The following SEMA3A variants were observed in gnomAD, a reference collection of about 807,000 sequenced individuals.
The protein encoded by SEMA3A is semaphorin-3A.
A neutral mutation model predicts 97.9 loss-of-function variants in SEMA3A; 29 were observed. The observed-to-expected ratio is 0.30, with a 90% CI of 0.22 to 0.40. SEMA3A has a LOEUF of 0.40. Among genes scored for constraint, SEMA3A ranks in the 10% least tolerant of loss-of-function variants. The pLI is 1.00. For synonymous variants in SEMA3A, 321 were observed against 323.7 expected (o/e 0.99, Z 0.09); for missense variants, 763 against 951.3 (o/e 0.80, Z 2.60).
chr7:84,194,794 AAG>A (rs1798166465), upstream of SEMA3A: 33 of 361,326 alleles, frequency 9.1e-5, no homozygotes, highest in East Asian at 3.2e-4. Flanking sequence ...ACCCTCCAAA[AAG>A]AAAAAAAAAA....
intron 1 of SEMA3A, among the ~76,000 whole-genome samples, chr7:84,411,225 A>G (rs1474999925): frequency 6.6e-6 from 1 of 152,114 alleles, no homozygotes; most frequent in Non-Finnish European, 1.5e-5. Flanking sequence ...GTAGCGGTCC[A>G]CTTGGGATTT....
intron 3 of SEMA3A, among the ~76,000 whole-genome samples, chr7:84,237,188 T>C (rs1799255622): frequency 6.6e-6 from 1 of 152,160 alleles, no homozygotes; most frequent in African/African-American, 2.4e-5. Flanking sequence ...AAAATGTGTT[T>C]AATTTATCCC....
intron 2 of SEMA3A, among the ~76,000 whole-genome samples, chr7:84,345,359 G>T (rs915458551): frequency 1.1e-4 from 17 of 152,268 alleles, no homozygotes; most frequent in African/African-American, 4.1e-4. Context: ...GTTGCTAAAG[G>T]TTGAGATGGC....
intron 1 of SEMA3A, among the ~76,000 whole-genome samples, chr7:84,171,975 A>T (rs1475480407): frequency 3.3e-5 from 5 of 152,230 alleles, no homozygotes; most frequent in Non-Finnish European, 7.3e-5. Context: ...TGGTAGCAGA[A>T]GAAAGCTTCC....
chr7:84,212,574 T>G (rs576537578), intron 3 of SEMA3A, among the ~76,000 whole-genome samples: 1 of 152,302 alleles, frequency 6.6e-6, no homozygotes, highest in South Asian at 2.1e-4. Context: ...AGTCAACATC[T>G]CAAATAATGA....
intron 1 of SEMA3A, among the ~76,000 whole-genome samples, chr7:84,442,539 A>AAAATGT: frequency 6.6e-6 from 1 of 152,234 alleles, no homozygotes; most frequent in Middle Eastern, 3.4e-3. Flanking sequence ...AACACCAAAG[A>AAAATGT]AAATGTAGGA....
chr7:84,075,079 A>G (rs1323284067), intron 4 of SEMA3A, among the ~76,000 whole-genome samples: 1 of 152,120 alleles, frequency 6.6e-6, no homozygotes, highest in Non-Finnish European at 1.5e-5. Flanking sequence ...AGAAGGAAAG[A>G]TAATATTTAT....
Position 84,374,849 on chromosome 7 carries a change from G to A in SEMA3A, c.-245-2949C>T, listed in dbSNP as rs1394214690. Among the ~76,000 whole-genome samples, 3 of 152,058 alleles carry A rather than the reference G, an allele frequency of 2.0e-5. No homozygotes were observed. In the East Asian group the frequency reaches 5.8e-4, roughly 29 times the overall value. The stretch of plus-strand genomic sequence containing the variant: ...TATATAGGGAATCAGAGGCTTAACT[G>A]TGCTTGTGAGATGTATGTAACTGGA... On this transcript the variant is annotated intron_variant, in intron 1 of 3. Transcript: ENST00000424555.
chr7:84,206,191 G>T (rs1798490857), intron 3 of SEMA3A, among the ~76,000 whole-genome samples: 1 of 151,864 alleles, frequency 6.6e-6, no homozygotes, highest in Non-Finnish European at 1.5e-5. Context: ...TTCCCATTCT[G>T]ATTTATTTAA....
intron 3 of SEMA3A, among the ~76,000 whole-genome samples, chr7:84,115,509 T>C (rs757508211): frequency 3.9e-5 from 6 of 152,166 alleles, no homozygotes; most frequent in Admixed American, 1.3e-4. Flanking sequence ...TGATTTTCTT[T>C]TATTTAAAGG....
chr7:84,108,824 G>A (rs1795191304), intron 4 of SEMA3A, among the ~76,000 whole-genome samples: 1 of 149,918 alleles, frequency 6.7e-6, no homozygotes, highest in South Asian at 2.1e-4. Flanking sequence ...AGAACTGCTT[G>A]TACCTGGGAG....
At chr7:84,028,026 A>G (rs1403107458) in intron 6 of SEMA3A, among the ~76,000 whole-genome samples, 1 of 152,214 alleles carries the variant, frequency 6.6e-6, no homozygotes, top group East Asian at 1.9e-4. Flanking sequence ...TGGAAGACAT[A>G]TCATTATTAA....
At chr7:84,100,336 G>A (rs1185265185) in intron 4 of SEMA3A, among the ~76,000 whole-genome samples, 2 of 152,116 alleles carry the variant, frequency 1.3e-5, no homozygotes, top group African/African-American at 4.8e-5. Flanking sequence ...ATTGTATGGT[G>A]CTGGAATGTC....
chr7:84,173,200 T>A (rs1797446784), intron 1 of SEMA3A, among the ~76,000 whole-genome samples: 1 of 152,180 alleles, frequency 6.6e-6, no homozygotes, highest in Admixed American at 6.5e-5. Flanking sequence ...ATATCATTTT[T>A]AAAGTATCCT....
chr7:84,109,995 G>T (rs2115937951), intron 4 of SEMA3A, among the ~76,000 whole-genome samples: 1 of 152,072 alleles, frequency 6.6e-6, no homozygotes, highest in South Asian at 2.1e-4. Flanking sequence ...TACAATCAAA[G>T]CTTAGCCAAG....
intron 5 of SEMA3A, among the ~76,000 whole-genome samples, chr7:84,057,377 TTTA>T (rs145805015): frequency 0.018 from 2,721 of 152,250 alleles, 84 homozygotes; most frequent in African/African-American, 0.062. Flanking sequence ...ACATCTGGCA[TTTA>T]TTATTAGCAG....
rs937271523 is a variant in SEMA3A, at chr7:83,959,228, C to G, written c.*2143G>C. 2.0e-5 allele frequency: 3 copies of G among 151,896 alleles called. No homozygotes were observed. Among genetic ancestry groups the G allele is most frequent in the Admixed American group, 6.6e-5 (1 of 15,234 alleles). The allele number at this position is 151,896 out of a possible 1,614,324, so 9.4% of individuals were successfully genotyped here. A position where few individuals can be genotyped will look rare whatever the true frequency, so the allele number is the denominator to read the frequency against. ...CTCTATCCCTTCAAATCCTTTATTT[C>G]TGAGGATGAATAATAAGATATTTCT... On this transcript the variant is annotated 3_prime_UTR_variant, in exon 17 of 17. Coordinates refer to ENST00000265362, the MANE Select transcript of SEMA3A (RefSeq NM_006080.3).
At chr7:84,319,236 G>A (rs1801588614) in intron 2 of SEMA3A, among the ~76,000 whole-genome samples, 1 of 152,058 alleles carries the variant, frequency 6.6e-6, no homozygotes, top group Non-Finnish European at 1.5e-5. Context: ...GAGGTTCTGT[G>A]GCCTTTGCAT....
intron 3 of SEMA3A, among the ~76,000 whole-genome samples, chr7:84,228,620 C>T (rs1236368765): frequency 6.6e-6 from 1 of 151,956 alleles, no homozygotes; most frequent in African/African-American, 2.4e-5. Flanking sequence ...AGAAAAAAAA[C>T]ATCAATTGAG....
Sources: gnomAD v4.1 joint callset for allele counts (sites outside exome capture counted in the v4.1 genomes callset) on GRCh38, gnomAD v4.1.1 for gene constraint, MANE v1.5 for transcripts, NCBI Gene and HGNC (gene_info 2026-07-23, HGNC 2026-07-21) for gene names.